The following PDE1A variants were observed in gnomAD, a reference collection of about 807,000 sequenced individuals.
PDE1A encodes the protein phosphodiesterase 1A.
A neutral mutation model predicts 61.7 loss-of-function variants in PDE1A; 35 were observed. That is an observed-to-expected ratio of 0.57 (90% CI 0.43 to 0.75). The LOEUF (loss-of-function observed/expected upper bound fraction) is 0.75. PDE1A is among the 30% of genes least tolerant of loss of function. The pLI, the probability that PDE1A is intolerant of heterozygous loss-of-function variation, is 0.00. For missense variants in PDE1A, 597 were observed against 630.6 expected (o/e 0.95, Z 0.57); for synonymous variants, 232 against 213.2 (o/e 1.09, Z -0.77).
chr2:182,414,039 A>C (rs1702772972), intron 1 of PDE1A, among the ~76,000 whole-genome samples: 1 of 151,836 alleles, frequency 6.6e-6, no homozygotes, highest in Non-Finnish European at 1.5e-5. Context: ...AGAAATGTGA[A>C]TCGGCACTCA....
At chr2:182,330,406 T>G (rs1024585327) in intron 1 of PDE1A, among the ~76,000 whole-genome samples, 3 of 152,100 alleles carry the variant, frequency 2.0e-5, no homozygotes, top group African/African-American at 7.2e-5. Flanking sequence ...TTTCTTAAAA[T>G]GTAAATATTT....
At chr2:182,403,976 G>A (rs1319649261) in intron 1 of PDE1A, among the ~76,000 whole-genome samples, 1 of 151,858 alleles carries the variant, frequency 6.6e-6, no homozygotes, top group Non-Finnish European at 1.5e-5. Context: ...AGAACTTAAA[G>A]TATAATAAAA....
At chr2:182,675,140 T>C in the PDE1A span, among the ~76,000 whole-genome samples, 3 of 152,228 alleles carry the variant, frequency 2.0e-5, no homozygotes, top group Non-Finnish European at 2.9e-5. Flanking sequence ...CCAATGTTTG[T>C]TGTTCCTTTC....
chr2:182,670,931 C>T, the PDE1A span, among the ~76,000 whole-genome samples: 1 of 151,934 alleles, frequency 6.6e-6, no homozygotes, highest in African/African-American at 2.4e-5. Context: ...GATTCTCCTG[C>T]CTCAGCCTCC....
chr2:182,478,336 C>A (rs756764571), intron 2 of PDE1A, among the ~76,000 whole-genome samples: 36 of 145,316 alleles, frequency 2.5e-4, no homozygotes, highest in Admixed American at 1.4e-3. Flanking sequence ...GCTGGTTATT[C>A]CTGCTATGCA....
chr2:182,564,636 A>C, the PDE1A span, among the ~76,000 whole-genome samples: 34 of 152,034 alleles, frequency 2.2e-4, no homozygotes, highest in South Asian at 1.0e-3. Flanking sequence ...TGGATAATAT[A>C]CTGCAGAGTG....
chr2:182,584,755 A>C, the PDE1A span, among the ~76,000 whole-genome samples: 3 of 152,196 alleles, frequency 2.0e-5, no homozygotes, highest in Admixed American at 1.3e-4. Flanking sequence ...CTCACCTCTC[A>C]GCAGAAAGCC....
At chr2:182,543,929 C>A in the PDE1A span, among the ~76,000 whole-genome samples, 1 of 152,134 alleles carries the variant, frequency 6.6e-6, no homozygotes, top group Non-Finnish European at 1.5e-5. Flanking sequence ...ATGGGTCCTG[C>A]CAACTCTTCC....
At chr2:182,202,830 C>T (rs1686774251) in intron 8 of PDE1A, among the ~76,000 whole-genome samples, 1 of 152,180 alleles carries the variant, frequency 6.6e-6, no homozygotes, top group Non-Finnish European at 1.5e-5. Context: ...TTGCATGTTC[C>T]ACAATTCCTT....
At chr2:182,714,881 C>T in the PDE1A span, among the ~76,000 whole-genome samples, 1 of 152,052 alleles carries the variant, frequency 6.6e-6, no homozygotes, top group East Asian at 1.9e-4. Flanking sequence ...AAGCATTTAC[C>T]CTATTTGTCT....
At chr2:182,511,597 C>A (rs572039488) in intron 2 of PDE1A, among the ~76,000 whole-genome samples, 2 of 152,266 alleles carry the variant, frequency 1.3e-5, no homozygotes, top group South Asian at 4.1e-4. Context: ...TATAGTGGAG[C>A]ACAGCCAGGG....
intron 1 of PDE1A, among the ~76,000 whole-genome samples, chr2:182,363,433 G>A (rs1045062055): frequency 3.4e-4 from 51 of 152,016 alleles, no homozygotes; most frequent in African/African-American, 1.2e-3. Flanking sequence ...AAATAGAAGA[G>A]AGACATAGAG....
At chr2:182,606,904 T>C in the PDE1A span, among the ~76,000 whole-genome samples, 1 of 152,218 alleles carries the variant, frequency 6.6e-6, no homozygotes, top group Non-Finnish European at 1.5e-5. Flanking sequence ...TGCTGCTCAC[T>C]GTGCACAAAG....
chr2:182,185,407 G>A (rs1399966722), intron 13 of PDE1A, among the ~76,000 whole-genome samples: 1 of 152,182 alleles, frequency 6.6e-6, no homozygotes, highest in Non-Finnish European at 1.5e-5. Flanking sequence ...TGCGATTGCT[G>A]TGGTGGTTGA....
intron 1 of PDE1A, among the ~76,000 whole-genome samples, chr2:182,314,753 T>C (rs1574328467): frequency 6.6e-6 from 1 of 152,194 alleles, no homozygotes; most frequent in East Asian, 1.9e-4. Flanking sequence ...TCTATTTTTG[T>C]GATCTTGATT....
At chr2:182,545,389 G>A in the PDE1A span, among the ~76,000 whole-genome samples, 6 of 152,194 alleles carry the variant, frequency 3.9e-5, no homozygotes, top group African/African-American at 1.4e-4. Context: ...GCTGTCCTCT[G>A]AGTTGTTGCC....
At chr2:182,482,203 A>G (rs1687744211) in intron 2 of PDE1A, among the ~76,000 whole-genome samples, 1 of 151,976 alleles carries the variant, frequency 6.6e-6, no homozygotes, top group African/African-American at 2.4e-5. Flanking sequence ...GGAAGTAAAA[A>G]GTAGAGATTT....
chr2:182,355,026 C>T (rs1233897201), intron 1 of PDE1A, among the ~76,000 whole-genome samples: 1 of 152,040 alleles, frequency 6.6e-6, no homozygotes, highest in African/African-American at 2.4e-5. Context: ...TGTTAATGCA[C>T]TTCACTTAAT....
At chr2:182,333,752 A>T (rs1379798649) in intron 1 of PDE1A, among the ~76,000 whole-genome samples, 1 of 152,180 alleles carries the variant, frequency 6.6e-6, no homozygotes, top group Non-Finnish European at 1.5e-5. Context: ...AAGGAGATAG[A>T]GACACGAAAA....
Sources: allele counts gnomAD v4.1 joint callset (sites outside exome capture counted in the v4.1 genomes callset), GRCh38; gene constraint gnomAD v4.1.1; transcripts MANE v1.5; gene names NCBI Gene and HGNC (gene_info 2026-07-23, HGNC 2026-07-21).